The following NBDY variants were observed in gnomAD, a reference collection of about 807,000 sequenced individuals.
NBDY encodes P-body dissociating protein.
intron 2 of NBDY, among the ~76,000 whole-genome samples, chrX:56,757,460 A>G (rs946645379): frequency 5.3e-5 from 6 of 112,193 alleles, no homozygotes; most frequent in African/African-American, 1.9e-4. Context: ...CGCTTCGTGC[A>G]CCATCAATTC....
At chrX:56,751,566 C>G (rs2069585899) in intron 2 of NBDY, among the ~76,000 whole-genome samples, 1 of 111,671 alleles carries the variant, frequency 9.0e-6, no homozygotes, top group Admixed American at 9.5e-5. Context: ...AAGTATATAG[C>G]TCAATGAATT....
At chrX:56,811,464 G>A (rs1277168318) in intron 2 of NBDY, among the ~76,000 whole-genome samples, 1 of 112,296 alleles carries the variant, frequency 8.9e-6, no homozygotes, top group African/African-American at 3.2e-5. Context: ...AGAGAGGAGG[G>A]GATCTGGAGA....
At chrX:56,755,617 A>C (rs1376775972) in intron 2 of NBDY, among the ~76,000 whole-genome samples, 3 of 111,225 alleles carry the variant, frequency 2.7e-5, no homozygotes, top group Admixed American at 9.5e-5. Flanking sequence ...GTTAGAATGG[A>C]AATCATTAAA....
intron 2 of NBDY, among the ~76,000 whole-genome samples, chrX:56,802,847 C>T (rs955063225): frequency 1.8e-5 from 2 of 112,883 alleles, no homozygotes; most frequent in South Asian, 7.3e-4. Context: ...GTGTCTCCTG[C>T]CTACTGGTCC....
At chrX:56,757,009 A>G (rs1205306037) in intron 2 of NBDY, among the ~76,000 whole-genome samples, 2 of 112,561 alleles carry the variant, frequency 1.8e-5, no homozygotes, top group Non-Finnish European at 3.7e-5. Flanking sequence ...TAGTATTTAC[A>G]TAATGTAAAT....
chrX:56,739,424 T>A (rs1480720221), intron 2 of NBDY, among the ~76,000 whole-genome samples: 1 of 105,444 alleles, frequency 9.5e-6, no homozygotes, highest in Non-Finnish European at 1.9e-5. Context: ...ATTTCTTTAG[T>A]CACTTAGGAA....
In NBDY at chrX:56,815,934, A is replaced by G. The variant is rs907300861; in HGVS notation, c.*167-1386A>G. The stretch of plus-strand genomic sequence containing the variant: ...GATTTAGAATTGTTTTTCTGGAAGA[A>G]ATTGTTAATCTTCTCTTTTATACAT... On this transcript the variant is annotated intron_variant, in intron 2 of 2. Transcript: ENST00000374922. Among the ~76,000 whole-genome samples the G allele has an allele frequency of 2.7e-5, 3 of 111,671 alleles. No homozygotes were observed. The East Asian group carries it at 8.4e-4, about 31-fold the overall frequency.
In NBDY at chrX:56,729,575, C is replaced by T. The variant is rs1464779387; in HGVS notation, c.*15C>T. On this transcript the variant is annotated 3_prime_UTR_variant, in exon 1 of 3. Transcript: ENST00000374922. ...CGGAGAAGTAGAGAAATAAATTTCTCCCACCCTAAACCAGGTCAGATTCTT... is the reference window on the plus strand; with the variant it reads ...CGGAGAAGTAGAGAAATAAATTTCTTCCACCCTAAACCAGGTCAGATTCTT... 7 of 296,187 alleles carry T rather than the reference C, an allele frequency of 2.4e-5. No individual in the cohort carries two copies. The highest frequency in any genetic ancestry group is 4.1e-5 in the Non-Finnish European group (7 of 170,020). 24.4% of individuals were successfully genotyped at this position (296,187 alleles called of 1,213,427 possible). A position where few individuals can be genotyped will look rare whatever the true frequency, so the allele number is the denominator to read the frequency against.
chrX:56,801,253 C>A (rs1350504933), intron 2 of NBDY, among the ~76,000 whole-genome samples: 2 of 112,076 alleles, frequency 1.8e-5, no homozygotes, highest in Admixed American at 1.9e-4. Flanking sequence ...TTCAGGACAG[C>A]TGCTGTGGCG....
intron 2 of NBDY, among the ~76,000 whole-genome samples, chrX:56,807,501 T>A (rs1009984710): frequency 1.8e-5 from 2 of 111,392 alleles, no homozygotes; most frequent in Non-Finnish European, 3.8e-5. Context: ...TGAGCAGTAG[T>A]TTGTAGTTAT....
chrX:56,737,142 T>C, intron 2 of NBDY: 1 of 542,172 alleles, frequency 1.8e-6, no homozygotes, highest in Non-Finnish European at 3.4e-6. Context: ...TAGACATTTA[T>C]TTAAAGTAAA....
intron 2 of NBDY, among the ~76,000 whole-genome samples, chrX:56,782,247 T>G (rs1253697560): frequency 1.3e-5 from 1 of 79,333 alleles, no homozygotes; most frequent in Non-Finnish European, 2.5e-5. Flanking sequence ...TTCCTCCTCC[T>G]ACTCTTTTAA....
Position 56,729,336 on chromosome X carries a change from C to G in NBDY, c.-18C>G. 3.4e-6 allele frequency: 1 copy of G among 297,028 alleles called. No homozygotes were observed. The highest frequency in any genetic ancestry group is 5.9e-6 in the Non-Finnish European group (1 of 170,056). The allele number at this position is 297,028 out of a possible 1,213,427, so 24.5% of individuals were successfully genotyped here. A position where few individuals can be genotyped will look rare whatever the true frequency, so the allele number is the denominator to read the frequency against. On this transcript the variant is annotated 5_prime_UTR_variant, in exon 1 of 3. Coordinates refer to ENST00000374922, the MANE Select transcript of NBDY (RefSeq NM_001348129.2). ...AGGGCCCACCGGAGAAAACTGACGA[C>G]CCGTTTCTGTAATCCTTATGGGAGA...
At chrX:56,784,498 G>A (rs550079721) in intron 2 of NBDY, among the ~76,000 whole-genome samples, 5 of 111,999 alleles carry the variant, frequency 4.5e-5, no homozygotes, top group East Asian at 2.8e-4. Context: ...CTGAGCATGC[G>A]TGCTCACTGG....
intron 2 of NBDY, among the ~76,000 whole-genome samples, chrX:56,750,946 C>T (rs1179898179): frequency 9.0e-6 from 1 of 111,515 alleles, no homozygotes; most frequent in Non-Finnish European, 1.9e-5. Flanking sequence ...TATCTGATCA[C>T]ATTGCTCCCC....
chrX:56,730,423 A>G (rs1342155872), intron 1 of NBDY, among the ~76,000 whole-genome samples: 1 of 100,280 alleles, frequency 1.0e-5, no homozygotes, highest in East Asian at 3.3e-4. Context: ...AGGCAGGACA[A>G]TCATTTGAAC....
At chrX:56,809,979 C>A (rs1264681174) in intron 2 of NBDY, among the ~76,000 whole-genome samples, 1 of 111,829 alleles carries the variant, frequency 8.9e-6, no homozygotes, top group Non-Finnish European at 1.9e-5. Context: ...ATTTGCTTGT[C>A]TGTAAAGGAT....
At chrX:56,806,662 G>A (rs761735714) in intron 2 of NBDY, among the ~76,000 whole-genome samples, 1 of 111,605 alleles carries the variant, frequency 9.0e-6, no homozygotes, top group African/African-American at 3.3e-5. Flanking sequence ...TTTTGATGGG[G>A]TTGTTTTTTT....
chrX:56,746,963 CCTTAA>C (rs2069561079), intron 2 of NBDY, among the ~76,000 whole-genome samples: 1 of 111,834 alleles, frequency 8.9e-6, no homozygotes. Flanking sequence ...ATCTCAAGAT[CCTTAA>C]CTTAATCACA....
Sources: allele counts gnomAD v4.1 joint callset (sites outside exome capture counted in the v4.1 genomes callset), GRCh38; gene constraint gnomAD v4.1.1; transcripts MANE v1.5; gene names NCBI Gene and HGNC (gene_info 2026-07-23, HGNC 2026-07-21).